DOCK11: variants seen among roughly 807,000 people sequenced by gnomAD.
The protein encoded by DOCK11 is dedicator of cytokinesis protein 11.
A neutral mutation model predicts 169.1 loss-of-function variants in DOCK11; 70 were observed. The ratio of observed to expected loss-of-function variants is 0.41; its 90% confidence interval spans 0.34 to 0.51. The LOEUF is 0.51. DOCK11 is among the 20% of genes least tolerant of loss of function. The pLI, the probability that DOCK11 is intolerant of heterozygous loss-of-function variation, is 0.10. For missense variants in DOCK11, 1,166 were observed against 1,538.8 expected, an observed-to-expected ratio of 0.76 and a Z score of 4.05; for synonymous variants, 529 against 541.3, an observed-to-expected ratio of 0.98 and a Z score of 0.32.
chrX:118,551,752 T>C (rs764811762), intron 6 of DOCK11, among the ~76,000 whole-genome samples: 1 of 111,706 alleles, frequency 9.0e-6, no homozygotes, highest in South Asian at 3.7e-4. Context: ...TGCGCAACTT[T>C]AAACTGATCT....
intron 1 of DOCK11, among the ~76,000 whole-genome samples, chrX:118,497,307 A>AG (rs200685844): frequency 0.069 from 7,722 of 111,441 alleles, 714 homozygotes; most frequent in African/African-American, 0.24. Context: ...CCAGCATTAA[A>AG]GGGAGGCCAG....
At chrX:118,560,183 G>T (rs1411720874) in intron 6 of DOCK11, among the ~76,000 whole-genome samples, 2 of 110,604 alleles carry the variant, frequency 1.8e-5, no homozygotes, top group Admixed American at 9.7e-5. Context: ...ATTTTTACTG[G>T]TTTTTCTAAA....
intron 1 of DOCK11, among the ~76,000 whole-genome samples, chrX:118,502,722 A>G (rs2057583155): frequency 9.0e-6 from 1 of 111,352 alleles, no homozygotes; most frequent in South Asian, 3.8e-4. Flanking sequence ...TTTCTAATGT[A>G]TAAGTGATTC....
rs2016031891 is a variant in DOCK11 at position 118,654,961 on chromosome X, A to T, written c.4969A>T (p.Lys1657Ter). 8.3e-7 allele frequency: 1 copy of T among 1,203,654 alleles called. No individual in the cohort carries two copies. Among genetic ancestry groups the T allele is most frequent in the Admixed American group, 2.2e-5 (1 of 45,670 alleles). Reference sequence around the variant, plus strand: ...AGTTGCAGAGTTTCTTCATCGAAAAAGTAAGATATTTCTGTTTTTAGAGAT... The same window carrying T: ...AGTTGCAGAGTTTCTTCATCGAAAATGTAAGATATTTCTGTTTTTAGAGAT... ...ALVAEFLHRK[K>*]LFPNGCSAFK... is the part of the protein sequence containing the mutation. The change falls in exon 44 of 53, where the codon AAA becomes TAA. Residue 1657 changes from lysine (K) to a stop codon, truncating the protein, a stop_gained and splice_region_variant. Coordinates refer to ENST00000276202, the MANE Select transcript of DOCK11 (RefSeq NM_144658.4). LOFTEE classifies it high-confidence loss of function.
At chrX:118,500,163 C>T (rs1389036964) in intron 1 of DOCK11, among the ~76,000 whole-genome samples, 2 of 109,743 alleles carry the variant, frequency 1.8e-5, no homozygotes, top group African/African-American at 6.6e-5. Flanking sequence ...ATTCTCCCGC[C>T]TCAGCCTCCC....
At chrX:118,649,574 T>C (rs1468664663) in intron 41 of DOCK11, among the ~76,000 whole-genome samples, 1 of 111,604 alleles carries the variant, frequency 9.0e-6, no homozygotes, top group Admixed American at 9.6e-5. Flanking sequence ...GCTGGAGTGC[T>C]GTGGCATGAT....
At chrX:118,660,731 A>G (rs2016193892) in intron 44 of DOCK11, among the ~76,000 whole-genome samples, 1 of 109,627 alleles carries the variant, frequency 9.1e-6, no homozygotes, top group East Asian at 2.9e-4. Context: ...CGGCCTCCCA[A>G]AGTGCTGGGA....
At chrX:118,548,253 A>G (rs1377745026) in intron 6 of DOCK11, among the ~76,000 whole-genome samples, 3 of 112,385 alleles carry the variant, frequency 2.7e-5, no homozygotes, top group Non-Finnish European at 5.6e-5. Context: ...CTAATTTTGT[A>G]GGAGTCCATA....
chrX:118,683,674 A>G (rs1343776161), intron 52 of DOCK11, among the ~76,000 whole-genome samples: 1 of 112,284 alleles, frequency 8.9e-6, no homozygotes, highest in Non-Finnish European at 1.9e-5. Context: ...TGCATGACCT[A>G]GTGTTGAACT....
At chrX:118,556,292 G>A (rs5957026) in intron 6 of DOCK11, among the ~76,000 whole-genome samples, 4 of 107,600 alleles carry the variant, frequency 3.7e-5, no homozygotes, top group Non-Finnish European at 5.8e-5. Flanking sequence ...TGATCCACCC[G>A]CCTCGGCATC....
At chrX:118,536,115 C>T (rs1275959439) in intron 1 of DOCK11, among the ~76,000 whole-genome samples, 9 of 110,990 alleles carry the variant, frequency 8.1e-5, no homozygotes, top group African/African-American at 2.6e-4. Context: ...CTGGGCAACA[C>T]GGCAAAACCC....
rs777251111 is a variant in DOCK11 at position 118,568,271 on chromosome X, G to C, written c.1035+109G>C. ...TTTTCTTGCACCAGTGGGGAATATA[G>C]ATTGTTTTATATTTGTCTTGTTTGC... On this transcript the variant is annotated intron_variant, in intron 10 of 52. Coordinates refer to ENST00000276202, the MANE Select transcript of DOCK11 (RefSeq NM_144658.4). 185 of 423,985 alleles carry C rather than the reference G, an allele frequency of 4.4e-4. No homozygotes were observed. In the African/African-American group the frequency reaches 4.5e-3, roughly 10 times the overall value. 34.9% of individuals were successfully genotyped at this position (423,985 alleles called of 1,213,427 possible).
Position 118,616,527 on chromosome X carries a change from G to GTT in DOCK11, c.3292+825_3292+826dup, listed in dbSNP as rs113632088. Among the ~76,000 whole-genome samples the GTT allele has an allele frequency of 4.0e-4, 41 of 103,627 alleles. No individual in the cohort carries two copies. The South Asian group carries it at 8.1e-3, about 20-fold the overall frequency. 90.0% of individuals were successfully genotyped at this position (103,627 alleles called of 115,157 possible). A position where few individuals can be genotyped will look rare whatever the true frequency, so the allele number is the denominator to read the frequency against. ...ATGGATGGGGAACTGGAAGTTACTT[G>GTT]TTTTTTTTTTGTTTTTGTTTTTGTT... On this transcript the variant is annotated intron_variant, in intron 30 of 52. Transcript: ENST00000276202.
intron 7 of DOCK11, among the ~76,000 whole-genome samples, chrX:118,564,721 C>CTT (rs386417454): frequency 9.2e-6 from 1 of 108,139 alleles, no homozygotes; most frequent in East Asian, 2.9e-4. Flanking sequence ...TTCTCTCTCT[C>CTT]TCTTTCTCTC....
intron 28 of DOCK11, among the ~76,000 whole-genome samples, chrX:118,613,491 T>A (rs762122225): frequency 8.9e-6 from 1 of 112,339 alleles, no homozygotes; most frequent in South Asian, 3.7e-4. Flanking sequence ...AAACAGTCAG[T>A]AAAATACAAG....
At chrX:118,576,320 AACAAGG>A (rs2013444061) in intron 12 of DOCK11, among the ~76,000 whole-genome samples, 1 of 111,181 alleles carries the variant, frequency 9.0e-6, no homozygotes, top group African/African-American at 3.3e-5. Context: ...CTTGGTGGGA[AACAAGG>A]ACTGGGCCAT....
chrX:118,596,482 C>A (rs1324901374), intron 20 of DOCK11, among the ~76,000 whole-genome samples: 1 of 112,351 alleles, frequency 8.9e-6, no homozygotes, highest in Non-Finnish European at 1.9e-5. Flanking sequence ...CACACAGAGT[C>A]ACAAATAATT....
chrX:118,573,254 A>G (rs997248379), intron 11 of DOCK11, among the ~76,000 whole-genome samples: 2 of 112,927 alleles, frequency 1.8e-5, no homozygotes, highest in South Asian at 3.6e-4. Context: ...GTTAATCTTT[A>G]TGCCATCTGG....
rs2016783352 is a variant in DOCK11 at position 118,683,212 on chromosome X, G to A, written c.6097G>A (p.Glu2033Lys). The change falls in exon 52 of 53, where the codon GAG (glutamate) becomes AAG (lysine). Residue 2033 changes from glutamate to lysine, a missense_variant. By Grantham distance (56) the Glu-to-Lys change is moderately conservative. Transcript: ENST00000276202. ...MVKELSDIIH[E>K]QILQEDTMHS... Reference sequence around the variant, plus strand: ...AAAAGAATTATCTGACATTATCCATGAGCAGGCAAGTATTAGGGTGACTAA... The same window carrying A: ...AAAAGAATTATCTGACATTATCCATAAGCAGGCAAGTATTAGGGTGACTAA... 3 of 1,209,045 alleles carry A rather than the reference G, an allele frequency of 2.5e-6. No individual in the cohort carries two copies. The highest frequency in any genetic ancestry group is 2.2e-6 in the Non-Finnish European group (2 of 894,498).
Sources: allele counts gnomAD v4.1 joint callset (sites outside exome capture counted in the v4.1 genomes callset), GRCh38; gene constraint gnomAD v4.1.1; transcripts MANE v1.5; gene names NCBI Gene and HGNC (gene_info 2026-07-23, HGNC 2026-07-21).